Variants in ASIC2 observed in about 807,000 individuals in gnomAD.
ASIC2 encodes acid sensing ion channel subunit 2.
ASIC2 carries 25 observed loss-of-function variants against 57.3 expected under a neutral mutation model. The ratio of observed to expected loss-of-function variants is 0.44; its 90% CI spans 0.32 to 0.61. The LOEUF is 0.61. Among genes scored for constraint, ASIC2 ranks in the 20% least tolerant of loss-of-function variants. The pLI is 0.06. For synonymous variants in ASIC2, 319 were observed against 307.5 expected, an observed-to-expected ratio of 1.04 and a Z score of -0.39; for missense variants, 641 against 738.1, an observed-to-expected ratio of 0.87 and a Z score of 1.52.
chr17:33,926,282 G>T (rs1460388381), intron 1 of ASIC2, among the ~76,000 whole-genome samples: 1 of 152,126 alleles, frequency 6.6e-6, no homozygotes, highest in African/African-American at 2.4e-5. Flanking sequence ...AAAACCTTGC[G>T]GAAGTATTAC....
At chr17:33,920,215 T>G (rs964205006) in intron 1 of ASIC2, among the ~76,000 whole-genome samples, 17 of 151,676 alleles carry the variant, frequency 1.1e-4, no homozygotes, top group African/African-American at 3.9e-4. Context: ...GAGGGAAAAA[T>G]TAAAAAAAAT....
chr17:34,083,189 C>T (rs1222227220), intron 1 of ASIC2, among the ~76,000 whole-genome samples: 1 of 124,326 alleles, frequency 8.0e-6, no homozygotes, highest in African/African-American at 3.1e-5. Flanking sequence ...CACCCCACAA[C>T]AGTCCCCAGA....
At position 33,015,931 on chromosome 17, in the gene ASIC2, A is replaced by G. The variant is rs28929; in HGVS notation, c.1590+40T>C. On this transcript the variant is annotated intron_variant, in intron 9 of 9. Coordinates refer to ENST00000225823, the MANE Select transcript of ASIC2 (RefSeq NM_183377.2). Reference sequence around the variant, plus strand: ...TGGTTTTGTACTGCCGGTACAAGCCAGAGCAGCAGAACAACTTCCAATCAG... The same window carrying G: ...TGGTTTTGTACTGCCGGTACAAGCCGGAGCAGCAGAACAACTTCCAATCAG... 7.3e-3 allele frequency: 11,731 copies of G among 1,610,030 alleles called. 679 individuals are homozygous for G. The African/African-American group carries it at 0.13, about 18-fold the overall frequency.
At chr17:33,315,329 T>C (rs1906601573) in intron 1 of ASIC2, among the ~76,000 whole-genome samples, 1 of 152,242 alleles carries the variant, frequency 6.6e-6, no homozygotes, top group Non-Finnish European at 1.5e-5. Flanking sequence ...GCCTGCCCGC[T>C]ATGGCTATTA....
At chr17:34,057,208 G>A (rs1567803645) in intron 1 of ASIC2, among the ~76,000 whole-genome samples, 1 of 152,192 alleles carries the variant, frequency 6.6e-6, no homozygotes, top group Non-Finnish European at 1.5e-5. Context: ...CCCAAGGAGA[G>A]TTAGATACCA....
At chr17:33,152,702 C>G (rs768409165) in intron 1 of ASIC2, among the ~76,000 whole-genome samples, 1 of 152,172 alleles carries the variant, frequency 6.6e-6, no homozygotes, top group Non-Finnish European at 1.5e-5. Context: ...GGGAGTTCTG[C>G]TACTGGGGAG....
At chr17:33,061,069 G>T (rs373826688) in intron 3 of ASIC2, among the ~76,000 whole-genome samples, 1 of 152,108 alleles carries the variant, frequency 6.6e-6, no homozygotes, top group Non-Finnish European at 1.5e-5. Flanking sequence ...GGGCTGAGAC[G>T]ATGGGGTTTT....
chr17:33,515,208 G>A (rs1394265832), intron 1 of ASIC2, among the ~76,000 whole-genome samples: 1 of 152,192 alleles, frequency 6.6e-6, no homozygotes, highest in Non-Finnish European at 1.5e-5. Flanking sequence ...GGGTTGGGAG[G>A]GGATGGAGGA....
intron 1 of ASIC2, among the ~76,000 whole-genome samples, chr17:33,234,828 C>T (rs1908232182): frequency 6.6e-6 from 1 of 152,240 alleles, no homozygotes. Context: ...AAATCTTCCA[C>T]CTCCCAATGC....
At chr17:33,651,065 T>A (rs889447251) in intron 1 of ASIC2, among the ~76,000 whole-genome samples, 5 of 152,024 alleles carry the variant, frequency 3.3e-5, no homozygotes, top group African/African-American at 9.7e-5. Flanking sequence ...TATTTTAAGA[T>A]AGAAAGTTTA....
At chr17:33,180,245 A>C (rs748387504) in intron 1 of ASIC2, among the ~76,000 whole-genome samples, 3 of 152,202 alleles carry the variant, frequency 2.0e-5, no homozygotes, top group Non-Finnish European at 4.4e-5. Flanking sequence ...GAAATCCCTG[A>C]GCATTCCAGT....
At chr17:33,631,068 CAAGTGG>C (rs1327048719) in intron 1 of ASIC2, among the ~76,000 whole-genome samples, 2 of 152,270 alleles carry the variant, frequency 1.3e-5, no homozygotes, top group East Asian at 3.9e-4. Context: ...GGGTAAGGAG[CAAGTGG>C]AAGGTTGTCC....
At chr17:33,464,498 T>TTCTA (rs1567620936) in intron 1 of ASIC2, among the ~76,000 whole-genome samples, 1 of 38,642 alleles carries the variant, frequency 2.6e-5, no homozygotes, top group African/African-American at 1.2e-4. Context: ...CTTTCTTTCT[T>TTCTA]TCTTTCTTTC....
intron 1 of ASIC2, among the ~76,000 whole-genome samples, chr17:33,353,247 C>T (rs1375929995): frequency 6.6e-6 from 1 of 152,180 alleles, no homozygotes; most frequent in African/African-American, 2.4e-5. Context: ...TTCACCCTTC[C>T]ATAATCATGC....
Position 33,013,815 on chromosome 17 carries a change from G to T in ASIC2, c.*150C>A. The T allele has an allele frequency of 2.9e-6, 2 of 692,004 alleles. No individual in the cohort carries two copies. Among genetic ancestry groups the T allele is most frequent in the Non-Finnish European group, 5.0e-6 (2 of 396,268 alleles). The allele number at this position is 692,004 out of a possible 1,614,324, so 42.9% of individuals were successfully genotyped here. ...GCGTCGTGTTGGACGTGGCCGGAGC[G>T]AGGTCTAGGCAGCTAGTCTGCAATG... is the stretch of plus-strand genomic sequence containing the variant. On this transcript the variant is annotated 3_prime_UTR_variant, in exon 10 of 10. Coordinates refer to ENST00000225823, the MANE Select transcript of ASIC2 (RefSeq NM_183377.2).
intron 1 of ASIC2, among the ~76,000 whole-genome samples, chr17:33,606,240 G>T (rs1273002231): frequency 6.6e-6 from 1 of 152,208 alleles, no homozygotes; most frequent in Non-Finnish European, 1.5e-5. Context: ...CGAGATGCCA[G>T]GAGGACAATG....
At chr17:33,976,697 C>T (rs1457480183) in intron 1 of ASIC2, 2 of 152,130 alleles carry the variant, frequency 1.3e-5, no homozygotes, top group Non-Finnish European at 2.9e-5. Context: ...GTCACTGACT[C>T]ATCAGAAGGC....
chr17:33,896,714 T>A (rs1261714156), intron 1 of ASIC2, among the ~76,000 whole-genome samples: 1 of 152,196 alleles, frequency 6.6e-6, no homozygotes, highest in Non-Finnish European at 1.5e-5. Context: ...ATCTCACTAA[T>A]CTGAATCCTC....
chr17:33,497,062 T>TG (rs1278184561), intron 1 of ASIC2, among the ~76,000 whole-genome samples: 1 of 152,112 alleles, frequency 6.6e-6, no homozygotes, highest in African/African-American at 2.4e-5. Flanking sequence ...TTGGATGTGA[T>TG]GGGGGGAAAG....
Sources: gnomAD v4.1 joint callset for allele counts (sites outside exome capture counted in the v4.1 genomes callset) on GRCh38, gnomAD v4.1.1 for gene constraint, MANE v1.5 for transcripts, NCBI Gene and HGNC (gene_info 2026-07-23, HGNC 2026-07-21) for gene names.